The following RBFOX1 variants were observed in gnomAD, a reference collection of about 807,000 sequenced individuals.
The protein encoded by RBFOX1 is RNA binding fox-1 homolog 1, also known as RNA binding protein fox-1 homolog 1.
In RBFOX1, 8 loss-of-function variants were observed where a neutral mutation model predicts 57.7. The observed-to-expected ratio is 0.14, with a 90% confidence interval of 0.08 to 0.25. RBFOX1 has a LOEUF of 0.25. Ranked by LOEUF, RBFOX1 falls within the 10% of genes least tolerant of loss-of-function variation. RBFOX1 has a pLI of 1.00. For missense variants in RBFOX1, 611 were observed against 548.5 expected (o/e 1.11, Z -1.14); for synonymous variants, 326 against 222.4 (o/e 1.47, Z -4.15).
At chr16:5,281,252 T>C (rs2063265016) in intron 1 of RBFOX1, among the ~76,000 whole-genome samples, 1 of 152,240 alleles carries the variant, frequency 6.6e-6, no homozygotes, top group South Asian at 2.1e-4. Flanking sequence ...TTCTTCTTGT[T>C]ATTGATTTCA....
chr16:6,180,272 T>A lies in RBFOX1; in HGVS notation c.-126-136723T>A, dbSNP rs886984236. On this transcript the variant is annotated intron_variant, in intron 1 of 15. Coordinates refer to ENST00000550418, the MANE Select transcript of RBFOX1 (RefSeq NM_018723.4). The stretch of plus-strand genomic sequence containing the variant: ...GGTCTGGGTTTTTCTTTATGTGAAG[T>A]TTTTTTTGCCTACTAATTCATTCTC... 3.6e-5 allele frequency among the ~76,000 whole-genome samples: 5 copies of A among 140,558 alleles called. No individual in the cohort carries two copies. In the East Asian group the frequency reaches 9.8e-4, roughly 27 times the overall value. 92.2% of individuals were successfully genotyped at this position (140,558 alleles called of 152,430 possible).
chr16:6,915,013 G>C (rs950386168), intron 3 of RBFOX1, among the ~76,000 whole-genome samples: 1 of 152,212 alleles, frequency 6.6e-6, no homozygotes, highest in Non-Finnish European at 1.5e-5. Flanking sequence ...GCAGGCCCAG[G>C]GTGGTGTAAG....
chr16:7,165,971 T>C (rs374276993), intron 4 of RBFOX1, among the ~76,000 whole-genome samples: 5 of 94,338 alleles, frequency 5.3e-5, no homozygotes, highest in Non-Finnish European at 1.4e-4. Flanking sequence ...CACACATACA[T>C]ACATACACCC....
Position 6,864,964 on chromosome 16 carries a change from A to G in RBFOX1, c.-15-187093A>G, listed in dbSNP as rs149024779. Among the ~76,000 whole-genome samples, 170 of 147,926 alleles carry G rather than the reference A, an allele frequency of 1.1e-3. 1 individual carries two copies. Among genetic ancestry groups the G allele is most frequent in the Non-Finnish European group, 1.9e-3 (129 of 67,402 alleles). Reference sequence around the variant, plus strand: ...AAAATAAGCCCTGTTCCTCAATCCCAGTGCCAATGTTGGAGTGGGTTTTTC... The same window carrying G: ...AAAATAAGCCCTGTTCCTCAATCCCGGTGCCAATGTTGGAGTGGGTTTTTC... On this transcript the variant is annotated intron_variant, in intron 3 of 15. Coordinates refer to ENST00000550418, the MANE Select transcript of RBFOX1 (RefSeq NM_018723.4).
In RBFOX1 at chr16:5,583,245, G is replaced by T. The variant is rs577590122; in HGVS notation, c.259-15657G>T. 7.9e-5 allele frequency among the ~76,000 whole-genome samples: 12 copies of T among 152,302 alleles called. No homozygotes were observed. The South Asian group carries it at 2.3e-3, about 29-fold the overall frequency. On this transcript the variant is annotated intron_variant, in intron 2 of 2. Transcript: ENST00000585867. The stretch of plus-strand genomic sequence containing the variant: ...ACTGTTGTTAAAGCCAACTAAATAT[G>T]GCCTTAGAAGGACTCCATACTTCTA...
intron 2 of RBFOX1, among the ~76,000 whole-genome samples, chr16:6,476,781 G>A (rs997416476): frequency 1.3e-5 from 2 of 152,222 alleles, no homozygotes. Context: ...TGCAGCACCT[G>A]ATGCTGTTTG....
At chr16:5,330,159 T>A (rs1534510) in intron 1 of RBFOX1, among the ~76,000 whole-genome samples, 133,236 of 152,154 alleles carry the variant, frequency 0.88, 61,135 homozygotes, top group East Asian at 1. Context: ...CATCGCTTTC[T>A]GGGTTGCAAT....
At chr16:7,121,514 T>C (rs2067176499) in intron 4 of RBFOX1, among the ~76,000 whole-genome samples, 1 of 151,952 alleles carries the variant, frequency 6.6e-6, no homozygotes. Context: ...ATAACAAACA[T>C]ATAAGAGATC....
At chr16:5,593,022 GA>G (rs2047060982) in intron 2 of RBFOX1, among the ~76,000 whole-genome samples, 2 of 152,126 alleles carry the variant, frequency 1.3e-5, no homozygotes, top group Non-Finnish European at 2.9e-5. Context: ...TGTGAGATAG[GA>G]AGTCAGCACC....
At chr16:6,676,476 G>A (rs760168537) in intron 3 of RBFOX1, among the ~76,000 whole-genome samples, 2 of 152,008 alleles carry the variant, frequency 1.3e-5, no homozygotes, top group South Asian at 2.1e-4. Context: ...GAAAGGTCCT[G>A]AATGGGGAGG....
intron 3 of RBFOX1, among the ~76,000 whole-genome samples, chr16:5,612,780 G>A (rs548189598): frequency 3.3e-5 from 5 of 152,244 alleles, no homozygotes; most frequent in South Asian, 4.1e-4. Context: ...AGGCCAGGCC[G>A]TGGTGAGGAT....
At chr16:6,225,936 A>G (rs1037833310) in intron 1 of RBFOX1, among the ~76,000 whole-genome samples, 14 of 152,212 alleles carry the variant, frequency 9.2e-5, no homozygotes, top group Non-Finnish European at 1.9e-4. Context: ...GGAATTAACC[A>G]TTTGAAACCT....
At chr16:6,978,897 C>T (rs1598968536) in intron 3 of RBFOX1, among the ~76,000 whole-genome samples, 1 of 152,162 alleles carries the variant, frequency 6.6e-6, no homozygotes, top group Non-Finnish European at 1.5e-5. Context: ...TCGGATGCTG[C>T]AGAGTGCATT....
At chr16:7,255,508 G>T (rs1188856776) in intron 4 of RBFOX1, among the ~76,000 whole-genome samples, 1 of 152,150 alleles carries the variant, frequency 6.6e-6, no homozygotes, top group Non-Finnish European at 1.5e-5. Flanking sequence ...ATGGCAAGAT[G>T]TCCAGCTTAT....
intron 2 of RBFOX1, among the ~76,000 whole-genome samples, chr16:6,455,115 A>T (rs1350735806): frequency 6.7e-6 from 1 of 150,046 alleles, no homozygotes; most frequent in Non-Finnish European, 1.5e-5. Flanking sequence ...GGATGGTCTC[A>T]ATCTCCTGAC....
chr16:5,840,376 C>T (rs2056588908), intron 3 of RBFOX1, among the ~76,000 whole-genome samples: 1 of 152,116 alleles, frequency 6.6e-6, no homozygotes, highest in South Asian at 2.1e-4. Context: ...ACCCCCTGTC[C>T]CCAGCGTCTG....
chr16:7,078,732 G>C (rs1012194336), intron 4 of RBFOX1, among the ~76,000 whole-genome samples: 66 of 149,448 alleles, frequency 4.4e-4, no homozygotes, highest in African/African-American at 1.6e-3. Context: ...ACCCAGGCTG[G>C]AGTGCAATGG....
intron 2 of RBFOX1, among the ~76,000 whole-genome samples, chr16:6,544,906 G>C (rs1020810602): frequency 5.9e-5 from 9 of 152,184 alleles, no homozygotes; most frequent in African/African-American, 2.2e-4. Context: ...GCACATGTCT[G>C]CTTTTTATGA....
At chr16:5,893,819 T>A (rs979082078) in intron 4 of RBFOX1, among the ~76,000 whole-genome samples, 1 of 146,504 alleles carries the variant, frequency 6.8e-6, no homozygotes, top group African/African-American at 2.5e-5. Context: ...AAAAAAAAAA[T>A]CTCATGTAAC....
Sources: gnomAD v4.1 joint callset for allele counts (sites outside exome capture counted in the v4.1 genomes callset) on GRCh38, gnomAD v4.1.1 for gene constraint, MANE v1.5 for transcripts, NCBI Gene and HGNC (gene_info 2026-07-23, HGNC 2026-07-21) for gene names.